SLC25A21: variants seen among roughly 807,000 people sequenced by gnomAD.
SLC25A21 encodes the protein solute carrier family 25 member 21.
SLC25A21 carries 47 observed loss-of-function variants against 43.8 expected under a neutral mutation model. The observed-to-expected ratio is 1.07, with a 90% CI of 0.85 to 1.37. The LOEUF (loss-of-function observed/expected upper bound fraction) is 1.37. SLC25A21 is among the 40% of genes most tolerant of loss of function. The probability of loss-of-function intolerance (pLI) is 0.00; values close to 1 mark genes in which losing one functional copy is unlikely to be tolerated. For missense variants in SLC25A21, 352 were observed against 350.2 expected (o/e 1.00, Z -0.04); for synonymous variants, 131 against 121.3 (o/e 1.08, Z -0.52).
At chr14:37,068,850 TA>T (rs1340763548) in intron 1 of SLC25A21, among the ~76,000 whole-genome samples, 1 of 152,098 alleles carries the variant, frequency 6.6e-6, no homozygotes, top group African/African-American at 2.4e-5. Flanking sequence ...CCCCAAACAT[TA>T]TAAGCTAAAA....
At chr14:37,069,180 GA>G (rs879596904) in intron 1 of SLC25A21, among the ~76,000 whole-genome samples, 64 of 141,056 alleles carry the variant, frequency 4.5e-4, no homozygotes, top group Middle Eastern at 3.7e-3. Flanking sequence ...CCATCTCAAA[GA>G]AAAAAAAAAA....
intron 1 of SLC25A21, among the ~76,000 whole-genome samples, chr14:36,976,372 C>G (rs1340006765): frequency 6.6e-6 from 1 of 152,012 alleles, no homozygotes; most frequent in South Asian, 2.1e-4. Context: ...GTGGACAAAC[C>G]CTAACTTCTT....
At chr14:36,750,376 C>T (rs1163931287) in intron 3 of SLC25A21, among the ~76,000 whole-genome samples, 1 of 152,182 alleles carries the variant, frequency 6.6e-6, no homozygotes, top group Non-Finnish European at 1.5e-5. Flanking sequence ...GGCATTTTTA[C>T]TCACCCAATC....
At chr14:36,781,208 G>A (rs1887047272) in intron 3 of SLC25A21, among the ~76,000 whole-genome samples, 2 of 152,010 alleles carry the variant, frequency 1.3e-5, no homozygotes, top group Non-Finnish European at 1.5e-5. Context: ...AGCTTATTGT[G>A]TCCTTAAAGC....
At chr14:36,688,860 T>C (rs531605125) in intron 7 of SLC25A21, among the ~76,000 whole-genome samples, 17 of 152,362 alleles carry the variant, frequency 1.1e-4, no homozygotes, top group African/African-American at 3.6e-4. Context: ...ATGAGTTAAC[T>C]GAAAGGTTAA....
intron 3 of SLC25A21, among the ~76,000 whole-genome samples, chr14:36,769,341 T>C (rs1229736225): frequency 6.6e-6 from 1 of 152,256 alleles, no homozygotes; most frequent in Admixed American, 6.5e-5. Context: ...CTCCCTTCAA[T>C]ATTCTCACGA....
At chr14:36,858,483 A>G (rs1010445341) in intron 2 of SLC25A21, among the ~76,000 whole-genome samples, 5 of 152,156 alleles carry the variant, frequency 3.3e-5, no homozygotes. Context: ...TTAGTTCCTA[A>G]CTTTTCTGTA....
chr14:37,010,523 C>T (rs1254384634), intron 1 of SLC25A21, among the ~76,000 whole-genome samples: 1 of 152,046 alleles, frequency 6.6e-6, no homozygotes, highest in East Asian at 1.9e-4. Flanking sequence ...TGGCAGCAGG[C>T]AGAAAAGGAG....
intron 2 of SLC25A21, among the ~76,000 whole-genome samples, chr14:36,839,298 G>A (rs1889306428): frequency 1.3e-5 from 2 of 152,090 alleles, no homozygotes; most frequent in Admixed American, 6.6e-5. Flanking sequence ...TATATTCTAG[G>A]GGGCAATTAA....
chr14:37,012,069 G>A (rs1960745649), intron 1 of SLC25A21, among the ~76,000 whole-genome samples: 3 of 152,164 alleles, frequency 2.0e-5, no homozygotes, highest in Non-Finnish European at 4.4e-5. Flanking sequence ...GCTGGGCTAT[G>A]CTCTGACTAT....
At chr14:36,799,576 T>C (rs1647702835) in intron 3 of SLC25A21, among the ~76,000 whole-genome samples, 1 of 152,210 alleles carries the variant, frequency 6.6e-6, no homozygotes, top group Non-Finnish European at 1.5e-5. Context: ...CAGTTTTCCA[T>C]TTATTTTCTA....
chr14:36,729,653 T>A, intron 4 of SLC25A21, 87 bp from the exon 5 acceptor site: 1 of 1,103,690 alleles, frequency 9.1e-7, no homozygotes, highest in South Asian at 1.5e-5. Context: ...GGTAAATCAT[T>A]ATGTTAACCA....
At chr14:36,815,405 A>G (rs1457647001) in intron 2 of SLC25A21, among the ~76,000 whole-genome samples, 1 of 151,956 alleles carries the variant, frequency 6.6e-6, no homozygotes, top group African/African-American at 2.4e-5. Flanking sequence ...TCATTCTGGC[A>G]GGCAGGAGTC....
chr14:36,995,277 A>G (rs1285508855), intron 1 of SLC25A21, among the ~76,000 whole-genome samples: 1 of 152,212 alleles, frequency 6.6e-6, no homozygotes, highest in Non-Finnish European at 1.5e-5. Flanking sequence ...TGGTTATCCT[A>G]AATTATTCAT....
intron 5 of SLC25A21, among the ~76,000 whole-genome samples, chr14:36,727,120 A>C (rs1178145941): frequency 6.6e-6 from 1 of 152,138 alleles, no homozygotes; most frequent in African/African-American, 2.4e-5. Flanking sequence ...GCTGGAATCC[A>C]GCTTGCCCCT....
At chr14:36,967,826 A>G (rs1398560680) in intron 1 of SLC25A21, among the ~76,000 whole-genome samples, 2 of 152,142 alleles carry the variant, frequency 1.3e-5, no homozygotes, top group East Asian at 1.9e-4. Context: ...ATGGTGCCAC[A>G]TGCACTTGTG....
At chr14:36,699,848 C>CT (rs1883203205) in intron 7 of SLC25A21, among the ~76,000 whole-genome samples, 1 of 152,164 alleles carries the variant, frequency 6.6e-6, no homozygotes, top group African/African-American at 2.4e-5. Flanking sequence ...TCCAGATAGT[C>CT]TGTCACGGCT....
At chr14:37,126,341 T>C (rs1278761563) in intron 1 of SLC25A21, among the ~76,000 whole-genome samples, 1 of 152,096 alleles carries the variant, frequency 6.6e-6, no homozygotes, top group Non-Finnish European at 1.5e-5. Flanking sequence ...ACTTGGCCAA[T>C]ATCAATGCCC....
intron 1 of SLC25A21, among the ~76,000 whole-genome samples, chr14:37,023,007 T>C (rs1023406256): frequency 1.1e-4 from 16 of 152,020 alleles, no homozygotes; most frequent in Admixed American, 8.5e-4. Context: ...TAATTTCGTA[T>C]AGGGTCCATT....
Sources: gnomAD v4.1 joint callset for allele counts (sites outside exome capture counted in the v4.1 genomes callset) on GRCh38, gnomAD v4.1.1 for gene constraint, MANE v1.5 for transcripts, NCBI Gene and HGNC (gene_info 2026-07-23, HGNC 2026-07-21) for gene names.